Variants in FLG observed in about 807,000 individuals in gnomAD.
FLG encodes the protein filaggrin, also known as epidermal filaggrin.
Under a neutral mutation model 3.8 loss-of-function variants are expected in FLG, and 6 were observed. The observed-to-expected ratio is 1.60, with a 90% CI of 0.87 to 3.15. The LOEUF (loss-of-function observed/expected upper bound fraction) is 3.15, where lower values mean the gene tolerates loss of function less well. Among genes scored for constraint, FLG ranks in the 30% most tolerant of loss-of-function variants. FLG has a pLI of 0.00. For missense variants in FLG, 7,595 were observed against 5,050.9 expected, an observed-to-expected ratio of 1.50 and a Z score of -15.27; for synonymous variants, 2,551 against 1,931.6, an observed-to-expected ratio of 1.32 and a Z score of -8.41.
In FLG at chr1:152,312,319, T is replaced by G; in HGVS notation, c.2567A>C (p.His856Pro). ...GSSRRGRQGS[H>P]HEQSVDRSGH... ...AGACCTATCTACCGATTGCTCGTGG[T>G]GGGACCCCTGCCTTCCTCTTCTGCT... The change falls in exon 3 of 3, where the codon CAC becomes CCC. Residue 856 changes from histidine to proline, a missense_variant. Coordinates refer to ENST00000368799, the MANE Select transcript of FLG (RefSeq NM_002016.2). The G allele has an allele frequency of 6.2e-7, 1 of 1,613,330 alleles. No individual in the cohort carries two copies.
At position 152,304,394 on chromosome 1, in the gene FLG, C is replaced by A. The variant is rs146680739; in HGVS notation, c.10492G>T (p.Gly3498Cys). The part of the protein sequence containing the change: ...QTRNDEQSGD[G>C]SRHSWSHHHE... The stretch of plus-strand genomic sequence containing the variant: ...TGATGCGACCATGAGTGCCTGGAGC[C>A]ATCTCCTGATTGTTCGTCATTACGA... The change falls in exon 3 of 3, where the codon GGC (glycine) becomes TGC (cysteine). Residue 3498 changes from glycine to cysteine, a missense_variant. By Grantham distance (159) the Gly-to-Cys change is radical (BLOSUM62 -3). Coordinates refer to ENST00000368799, the MANE Select transcript of FLG (RefSeq NM_002016.2). 1 of 1,611,246 alleles carries A rather than the reference C, an allele frequency of 6.2e-7. No individual in the cohort carries two copies. Among genetic ancestry groups the A allele is most frequent in the Non-Finnish European group, 8.5e-7 (1 of 1,178,914 alleles).
Position 152,307,418 on chromosome 1 carries a change from A to G in FLG, c.7468T>C (p.Ser2490Pro), listed in dbSNP as rs1182073686. Reference sequence around the variant, plus strand: ...TGGGATGTGGTGTGGCTGTGATGAGACCCTGAGTGTCCAGATCTATCTACC... The same window carrying G: ...TGGGATGTGGTGTGGCTGTGATGAGGCCCTGAGTGTCCAGATCTATCTACC... The part of the protein sequence containing the change: ...QLVDRSGHSG[S>P]HHSHTTSQGR... Residue 2490 changes from serine to proline, a missense_variant, in exon 3 of 3, where the codon TCT (serine) becomes CCT (proline). Physicochemically the swap from Ser to Pro is moderately conservative, Grantham distance 74 (BLOSUM62 -1). Coordinates refer to ENST00000368799, the MANE Select transcript of FLG (RefSeq NM_002016.2). 7 of 1,612,632 alleles carry G rather than the reference A, an allele frequency of 4.3e-6. No individual in the cohort carries two copies. The highest frequency in any genetic ancestry group is 2.7e-5 in the African/African-American group (2 of 74,572).
rs750237149 is a variant in FLG, at chr1:152,304,842, T to C, written c.10044A>G (p.Glu3348=). The change falls in exon 3 of 3, where the codon GAA becomes GAG. Residue 3348 remains glutamate (E), a synonymous_variant. Coordinates refer to ENST00000368799, the MANE Select transcript of FLG (RefSeq NM_002016.2). ...SQASDSEGHS[E]ESDTQSVSGH... ...CTGACACTGACTGTGTGTCTGACTCTTCTGAATGTCCCTCACTATCACTGG... is the reference window on the plus strand; with the variant it reads ...CTGACACTGACTGTGTGTCTGACTCCTCTGAATGTCCCTCACTATCACTGG... The C allele has an allele frequency of 5.6e-5, 90 of 1,613,738 alleles. 1 individual carries two copies. Among genetic ancestry groups the C allele is most frequent in the Non-Finnish European group, 6.4e-5 (76 of 1,179,948 alleles).
chr1:152,303,017 G>C lies in FLG; in HGVS notation c.11869C>G (p.His3957Asp), dbSNP rs937868594. ...RGSPHSSSSY[H>D]YQSEGTERQK... ...CTTTCAGTGCCCTCAGATTGATAAT[G>C]ATAAGAACTAGAACTGTGAGGACTG... Residue 3957 changes from histidine (H) to aspartate (D), a missense_variant, in exon 3 of 3, where the codon CAT becomes GAT. By Grantham distance (81) the His-to-Asp change is moderately conservative. Coordinates refer to ENST00000368799, the MANE Select transcript of FLG (RefSeq NM_002016.2). 2.5e-6 allele frequency: 4 copies of C among 1,614,060 alleles called. No homozygotes were observed. The African/African-American group carries it at 5.3e-5, about 22-fold the overall frequency.
chr1:152,313,010 C>G lies in FLG; in HGVS notation c.1876G>C (p.Asp626His), dbSNP rs748125717. Residue 626 changes from aspartate to histidine, a missense_variant, in exon 3 of 3, where the codon GAC becomes CAC. By Grantham distance (81) the Asp-to-His change is moderately conservative. Transcript: ENST00000368799. Reference protein sequence around the residue: ...NQGSSVSQDSDSQGHSEDSER... With the variant: ...NQGSSVSQDSHSQGHSEDSER... ...GAGTCTTCTGAGTGTCCCTGACTGT[C>G]ACTGTCCTGGCTAACACTGGATCCC... 5.0e-6 allele frequency: 8 copies of G among 1,614,030 alleles called. No individual in the cohort carries two copies. Among genetic ancestry groups the G allele is most frequent in the Admixed American group, 1.7e-5 (1 of 60,022 alleles).
In FLG at chr1:152,304,322, C is replaced by T. The variant is rs114892044; in HGVS notation, c.10564G>A (p.Gly3522Ser). ...CTGGGCCCCGCTGATTGTCCCTGGC[C>T]GGACTGTGAGTGTCTAGAGCTGTCC... ...QADSSRHSQSGQGQSAGPRTS... is the reference protein window; with the variant it reads ...QADSSRHSQSSQGQSAGPRTS... The change falls in exon 3 of 3, where the codon GGC becomes AGC. Residue 3522 changes from glycine (G) to serine (S), a missense_variant. Transcript: ENST00000368799. 1.4e-3 allele frequency: 2,330 copies of T among 1,610,904 alleles called. 113 individuals carry two copies. In the East Asian group the frequency reaches 0.03, roughly 21 times the overall value.
In FLG at chr1:152,314,081, A is replaced by T. The variant is rs2101652929; in HGVS notation, c.805T>A (p.Ser269Thr). 8 of 1,614,162 alleles carry T rather than the reference A, an allele frequency of 5.0e-6. No homozygotes were observed. Among genetic ancestry groups the T allele is most frequent in the Non-Finnish European group, 6.8e-6 (8 of 1,180,024 alleles). Reference protein sequence around the residue: ...RSRSSDGKSSSQVNRSRHENT... With the variant: ...RSRSSDGKSSTQVNRSRHENT... ...TCATGTCTTGACCTGTTCACTTGAG[A>T]TGATGATTTGCCATCAGATGACCTT... The change falls in exon 3 of 3, where the codon TCT (serine) becomes ACT (threonine). Residue 269 changes from serine (S) to threonine (T), a missense_variant. Physicochemically the swap from Ser to Thr is moderately conservative, Grantham distance 58. Transcript: ENST00000368799.
rs1651662293 is a variant in FLG, at chr1:152,302,321, A to G, written c.*379T>C. 1 of 259,784 alleles carries G rather than the reference A, an allele frequency of 3.8e-6. No homozygotes were observed. The highest frequency in any genetic ancestry group is 7.4e-6 in the Non-Finnish European group (1 of 135,816). 16.1% of individuals were successfully genotyped at this position (259,784 alleles called of 1,614,324 possible). On this transcript the variant is annotated 3_prime_UTR_variant, in exon 3 of 3. Transcript: ENST00000368799. The stretch of plus-strand genomic sequence containing the variant: ...GATGTTGATATAGCCACTTTGGTAT[A>G]CAGAACTGTTTTATATTTTTGGCTC...
At chr1:152,324,388 T>C (rs906642467) in intron 1 of FLG, among the ~76,000 whole-genome samples, 3 of 151,926 alleles carry the variant, frequency 2.0e-5, no homozygotes, top group Admixed American at 1.3e-4. Context: ...TCTTTTTAAC[T>C]ATGTATGCTC....
At position 152,311,683 on chromosome 1, in the gene FLG, C is replaced by A. The variant is rs765716863; in HGVS notation, c.3203G>T (p.Gly1068Val). 3 of 1,614,056 alleles carry A rather than the reference C, an allele frequency of 1.9e-6. No homozygotes were observed. In the South Asian group the frequency reaches 3.3e-5, roughly 18 times the overall value. Residue 1068 changes from glycine to valine, a missense_variant, in exon 3 of 3, where the codon GGT becomes GTT. By Grantham distance (109) the Gly-to-Val change is moderately radical (BLOSUM62 -3). Transcript: ENST00000368799. ...TCCCTCACTATCACTGGCCTGACTACCACTGGACCCCCAGTGTCCACTGTC... is the reference window on the plus strand; with the variant it reads ...TCCCTCACTATCACTGGCCTGACTAACACTGGACCCCCAGTGTCCACTGTC... ...VRDSGHWGSSGSQASDSEGHS... is the reference protein window; with the variant it reads ...VRDSGHWGSSVSQASDSEGHS...
At position 152,311,903 on chromosome 1, in the gene FLG, G is replaced by A. The variant is rs770004815; in HGVS notation, c.2983C>T (p.His995Tyr). 82 of 1,614,022 alleles carry A rather than the reference G, an allele frequency of 5.1e-5. No homozygotes were observed. Among genetic ancestry groups the A allele is most frequent in the African/African-American group, 6.7e-5 (5 of 74,910 alleles). ...PRSHHEDRAG[H>Y]GHSADSSRQS... ...CTGGAGCTGTCTGCAGAGTGCCCGT[G>A]ACCGGCTCTGTCTTCGTGATGGGAC... The change falls in exon 3 of 3, where the codon CAC (histidine) becomes TAC (tyrosine). Residue 995 changes from histidine (H) to tyrosine (Y), a missense_variant. Coordinates refer to ENST00000368799, the MANE Select transcript of FLG (RefSeq NM_002016.2).
Position 152,314,031 on chromosome 1 carries a change from C to A in FLG, c.855G>T (p.Gln285His). The change falls in exon 3 of 3, where the codon CAG (glutamine) becomes CAT (histidine). Residue 285 changes from glutamine (Q) to histidine (H), a missense_variant. Gln to His is a conservative substitution (Grantham distance 24). Coordinates refer to ENST00000368799, the MANE Select transcript of FLG (RefSeq NM_002016.2). ...CCCTACGCTTTCTTGTCCTGGACTC[C>A]TGCAATGGTACCTGGCTTGTATTTT... ...RHENTSQVPL[Q>H]ESRTRKRRGS... is the part of the protein sequence containing the mutation. The A allele has an allele frequency of 6.2e-7, 1 of 1,614,212 alleles. No individual in the cohort carries two copies. The highest frequency in any genetic ancestry group is 8.5e-7 in the Non-Finnish European group (1 of 1,180,048).
chr1:152,309,745 G>A lies in FLG; in HGVS notation c.5141C>T (p.Ser1714Phe). Residue 1714 changes from serine (S) to phenylalanine (F), a missense_variant, in exon 3 of 3, where the codon TCC becomes TTC. By Grantham distance (155) the Ser-to-Phe change is radical. Coordinates refer to ENST00000368799, the MANE Select transcript of FLG (RefSeq NM_002016.2). Reference sequence around the variant, plus strand: ...GCTGTCACTGGCCTGGCTACCACTGGACCCTCGGTTTCCACTGTCTCCGAC... The same window carrying A: ...GCTGTCACTGGCCTGGCTACCACTGAACCCTCGGTTTCCACTGTCTCCGAC... ...SVVGDSGNRGSSGSQASDSEG... is the reference protein window; with the variant it reads ...SVVGDSGNRGFSGSQASDSEG... 1.2e-6 allele frequency: 2 copies of A among 1,613,924 alleles called. No homozygotes were observed. The highest frequency in any genetic ancestry group is 1.7e-6 in the Non-Finnish European group (2 of 1,179,996).
chr1:152,316,929 T>G (rs1275494806), intron 1 of FLG, among the ~76,000 whole-genome samples: 1 of 152,148 alleles, frequency 6.6e-6, no homozygotes, highest in Non-Finnish European at 1.5e-5. Context: ...ATCTCTGATG[T>G]CCTTGATTTT....
In FLG at chr1:152,310,140, C is replaced by G; in HGVS notation, c.4746G>C (p.Ala1582=). The stretch of plus-strand genomic sequence containing the variant: ...CCTGGCGCCTGCTTGTCTTGGACCC[C>G]GCTGATTCTCCCTGGCCCACCTGTG... ...RHSQVGQGES[A]GSKTSRRQGS... Residue 1582 remains alanine, a synonymous_variant, in exon 3 of 3, where the codon GCG becomes GCC. Transcript: ENST00000368799. 1 of 1,613,844 alleles carries G rather than the reference C, an allele frequency of 6.2e-7. No homozygotes were observed. The highest frequency in any genetic ancestry group is 8.5e-7 in the Non-Finnish European group (1 of 1,179,966).
At position 152,303,452 on chromosome 1, in the gene FLG, C is replaced by A; in HGVS notation, c.11434G>T (p.Glu3812Ter). 1 of 1,613,638 alleles carries A rather than the reference C, an allele frequency of 6.2e-7. No individual in the cohort carries two copies. The highest frequency in any genetic ancestry group is 8.5e-7 in the Non-Finnish European group (1 of 1,179,906). ...GQSGSRSASR[E>*]TRNEEQSGDG... is the part of the protein sequence containing the mutation. ...CCTGACTGTTCCTCATTACGTGTTT[C>A]TCTGCTTGCACTTCTGGATCCTGAC... Residue 3812 changes from glutamate to a stop codon, truncating the protein, a stop_gained, in exon 3 of 3, where the codon GAA becomes TAA. Coordinates refer to ENST00000368799, the MANE Select transcript of FLG (RefSeq NM_002016.2). LOFTEE classifies it low-confidence loss of function (END_TRUNC).
In FLG at chr1:152,309,830, G is replaced by T. The variant is rs764236927; in HGVS notation, c.5056C>A (p.Gln1686Lys). 1 of 1,614,014 alleles carries T rather than the reference G, an allele frequency of 6.2e-7. No homozygotes were observed. The highest frequency in any genetic ancestry group is 8.5e-7 in the Non-Finnish European group (1 of 1,180,002). The change falls in exon 3 of 3, where the codon CAG becomes AAG. Residue 1686 changes from glutamine (Q) to lysine (K), a missense_variant. By Grantham distance (53) the Gln-to-Lys change is moderately conservative. Coordinates refer to ENST00000368799, the MANE Select transcript of FLG (RefSeq NM_002016.2). ...SPGERHGSRH[Q>K]QSADSSTDSG... ...TCTGTGGAGCTGTCTGCTGACTGCT[G>T]GTGGCGGGATCCATGTCTTTCTCCT...
Position 152,309,811 on chromosome 1 carries a change from G to T in FLG, c.5075C>A (p.Ser1692Tyr). The T allele has an allele frequency of 3.1e-6, 5 of 1,614,062 alleles. No individual in the cohort carries two copies. Among genetic ancestry groups the T allele is most frequent in the South Asian group, 1.1e-5 (1 of 91,064 alleles). Residue 1692 changes from serine (S) to tyrosine (Y), a missense_variant, in exon 3 of 3, where the codon TCC becomes TAC. Coordinates refer to ENST00000368799, the MANE Select transcript of FLG (RefSeq NM_002016.2). ...GSRHQQSADS[S>Y]TDSGTGRRQD... The stretch of plus-strand genomic sequence containing the variant: ...TCTGCGCCCAGTGCCTGAGTCTGTG[G>T]AGCTGTCTGCTGACTGCTGGTGGCG...
In FLG at chr1:152,305,293, A is replaced by C. The variant is rs143183339; in HGVS notation, c.9593T>G (p.Val3198Gly). The change falls in exon 3 of 3, where the codon GTC becomes GGC. Residue 3198 changes from valine to glycine, a missense_variant. Physicochemically the swap from Val to Gly is moderately radical, Grantham distance 109 (BLOSUM62 -3). Transcript: ENST00000368799. Reference sequence around the variant, plus strand: ...CCTGGACCCCTCTGATTGTCCCTGGACTGCCTGTGAGTGTCTAGAGATGTC... The same window carrying C: ...CCTGGACCCCTCTGATTGTCCCTGGCCTGCCTGTGAGTGTCTAGAGATGTC... Reference protein sequence around the residue: ...HADISRHSQAVQGQSEGSRRS... With the variant: ...HADISRHSQAGQGQSEGSRRS... The C allele has an allele frequency of 7.9e-5, 128 of 1,610,866 alleles. No individual in the cohort carries two copies. Among genetic ancestry groups the C allele is most frequent in the African/African-American group, 2.2e-4 (16 of 73,830 alleles).
Sources: allele counts gnomAD v4.1 joint callset (sites outside exome capture counted in the v4.1 genomes callset), GRCh38; gene constraint gnomAD v4.1.1; transcripts MANE v1.5; gene names NCBI Gene and HGNC (gene_info 2026-07-23, HGNC 2026-07-21).